PHF21A: variants seen among roughly 807,000 people sequenced by gnomAD.
The protein encoded by PHF21A is BHC80a.
PHF21A carries 11 observed loss-of-function variants against 82.5 expected under a neutral mutation model. The observed-to-expected ratio is 0.13, with a 90% CI of 0.08 to 0.22. The LOEUF (loss-of-function observed/expected upper bound fraction) is 0.22. Among genes scored for constraint, PHF21A ranks in the 10% least tolerant of loss-of-function variants. The pLI is 1.00. For synonymous variants in PHF21A, 297 were observed against 302.8 expected (o/e 0.98, Z 0.20); for missense variants, 579 against 837.8 (o/e 0.69, Z 3.81).
At chr11:45,934,733 A>C in intron 18 of PHF21A, 1 of 326,868 alleles carries the variant, frequency 3.1e-6, no homozygotes, top group Non-Finnish European at 6.0e-6. Context: ...AGCAGCATTT[A>C]GGAGGATCGA....
In PHF21A at chr11:46,038,337, AGGC is replaced by A. The variant is rs1319644317; in HGVS notation, c.153+38414_153+38416del. ...GATACGGGGTTTCACCATGTTGGCC[AGGC>A]TGGTTTTGAACTCCTGACCTCAAGT... On this transcript the variant is annotated intron_variant, in intron 6 of 18. Coordinates refer to ENST00000676320, the MANE Select transcript of PHF21A (RefSeq NM_001352027.3). 1.4e-4 allele frequency among the ~76,000 whole-genome samples: 21 copies of A among 152,244 alleles called. No homozygotes were observed. In the East Asian group the frequency reaches 3.5e-3, roughly 25 times the overall value.
chr11:45,964,720 T>C (rs2135915315), intron 10 of PHF21A, among the ~76,000 whole-genome samples: 1 of 152,352 alleles, frequency 6.6e-6, no homozygotes, highest in Admixed American at 6.5e-5. Context: ...TGCAGGTTAC[T>C]TGTATGTCTC....
intron 6 of PHF21A, among the ~76,000 whole-genome samples, chr11:45,998,634 T>C (rs530522816): frequency 6.6e-6 from 1 of 151,992 alleles, no homozygotes; most frequent in Non-Finnish European, 1.5e-5. Context: ...TGCCTCAGCC[T>C]CCCGAGTAGC....
At chr11:46,102,126 G>T (rs1401643927) in intron 1 of PHF21A, among the ~76,000 whole-genome samples, 1 of 152,040 alleles carries the variant, frequency 6.6e-6, no homozygotes, top group Non-Finnish European at 1.5e-5. Context: ...AAAGTGCTGG[G>T]ATTACAGGCG....
intron 6 of PHF21A, among the ~76,000 whole-genome samples, chr11:45,988,852 T>C (rs921753279): frequency 3.3e-5 from 5 of 152,046 alleles, no homozygotes; most frequent in African/African-American, 1.2e-4. Flanking sequence ...GATCCTGCCA[T>C]TGTACTTCAG....
chr11:46,032,941 C>A (rs1164338956), intron 6 of PHF21A, among the ~76,000 whole-genome samples: 1 of 152,080 alleles, frequency 6.6e-6, no homozygotes. Flanking sequence ...CTCTAATAAA[C>A]AGGCTAGTTT....
chr11:45,946,070 A>C (rs770551672), intron 14 of PHF21A, 67 bp from the exon 15 acceptor site: 2 of 1,614,178 alleles, frequency 1.2e-6, no homozygotes, highest in South Asian at 2.2e-5. Context: ...AAATGATCTT[A>C]CATACCTTTG....
intron 1 of PHF21A, among the ~76,000 whole-genome samples, chr11:46,095,309 T>TG (rs2096980963): frequency 6.6e-6 from 1 of 152,214 alleles, no homozygotes; most frequent in Non-Finnish European, 1.5e-5. Context: ...AAGTCTGAAA[T>TG]GCAAGTTTGA....
At chr11:45,937,288 A>C (rs2089301583) in intron 16 of PHF21A, among the ~76,000 whole-genome samples, 1 of 152,216 alleles carries the variant, frequency 6.6e-6, no homozygotes, top group Admixed American at 6.5e-5. Flanking sequence ...CTTATAATAA[A>C]ATCATAAAGA....
chr11:46,099,180 T>G (rs1392355668), intron 1 of PHF21A, among the ~76,000 whole-genome samples: 1 of 151,906 alleles, frequency 6.6e-6, no homozygotes, highest in East Asian at 1.9e-4. Context: ...CAACCAAATT[T>G]TAAAAAATTA....
chr11:46,022,356 G>A (rs1391831907), intron 6 of PHF21A, among the ~76,000 whole-genome samples: 1 of 152,190 alleles, frequency 6.6e-6, no homozygotes, highest in African/African-American at 2.4e-5. Flanking sequence ...TCAGGATGCT[G>A]AGGTAGGAGG....
chr11:46,107,842 T>G (rs2097168750), intron 1 of PHF21A, among the ~76,000 whole-genome samples: 2 of 152,132 alleles, frequency 1.3e-5, no homozygotes, highest in Admixed American at 1.3e-4. Context: ...AGCACTCAAA[T>G]AACTTACTTT....
intron 6 of PHF21A, among the ~76,000 whole-genome samples, chr11:45,995,616 G>C (rs2094881213): frequency 6.6e-6 from 1 of 152,154 alleles, no homozygotes; most frequent in African/African-American, 2.4e-5. Flanking sequence ...GAGCTCCCCT[G>C]TGCTTTCATA....
chr11:46,071,028 T>C (rs1156522184), intron 6 of PHF21A, among the ~76,000 whole-genome samples: 2 of 152,228 alleles, frequency 1.3e-5, no homozygotes, highest in Admixed American at 1.3e-4. Context: ...AAAAGTTTTT[T>C]TTATACTTTT....
At chr11:46,114,193 C>G (rs567474187) in intron 1 of PHF21A, among the ~76,000 whole-genome samples, 1 of 152,228 alleles carries the variant, frequency 6.6e-6, no homozygotes, top group African/African-American at 2.4e-5. Flanking sequence ...ATCCACTGAC[C>G]TCTTCTGAAA....
At chr11:46,113,451 T>G (rs1210177965) in intron 1 of PHF21A, among the ~76,000 whole-genome samples, 3 of 152,152 alleles carry the variant, frequency 2.0e-5, no homozygotes, top group Non-Finnish European at 4.4e-5. Flanking sequence ...AAAAACTTGA[T>G]GAATAAAAAA....
chr11:46,102,103 G>T (rs546257420), intron 1 of PHF21A, among the ~76,000 whole-genome samples: 1 of 151,980 alleles, frequency 6.6e-6, no homozygotes, highest in Non-Finnish European at 1.5e-5. Flanking sequence ...TGATCCACCC[G>T]CCTCGGCCTC....
rs761140254 is a variant in PHF21A, at chr11:45,979,740, T to C, written c.360+20A>G. The C allele has an allele frequency of 6.2e-7, 1 of 1,613,096 alleles. No homozygotes were observed. The highest frequency in any genetic ancestry group is 8.5e-7 in the Non-Finnish European group (1 of 1,180,026). ...TCAGTCTACAATCTGCAGCCTGCAA[T>C]GTTCCATCCACACATTTACCTGTGA... On this transcript the variant is annotated intron_variant, in intron 7 of 18. Transcript: ENST00000676320.
At position 45,960,896 on chromosome 11, in the gene PHF21A, G is replaced by C. The variant is rs1034947865; in HGVS notation, c.996+4419C>G. Among the ~76,000 whole-genome samples, 5 of 152,274 alleles carry C rather than the reference G, an allele frequency of 3.3e-5. No individual in the cohort carries two copies. In the East Asian group the frequency reaches 9.6e-4, roughly 29 times the overall value. On this transcript the variant is annotated intron_variant, in intron 10 of 18. Coordinates refer to ENST00000676320, the MANE Select transcript of PHF21A (RefSeq NM_001352027.3). ...AACTTTTAAAAACATCTGGATTTCA[G>C]GCTTTTCTTGAAGAAGTCTCCATGT...
Sources: allele counts gnomAD v4.1 joint callset (sites outside exome capture counted in the v4.1 genomes callset), GRCh38; gene constraint gnomAD v4.1.1; transcripts MANE v1.5; gene names NCBI Gene and HGNC (gene_info 2026-07-23, HGNC 2026-07-21).